Variants in SRPK2 observed in about 807,000 individuals in gnomAD.
The protein encoded by SRPK2 is SRSF protein kinase 2, also known as SFRS protein kinase 2.
A neutral mutation model predicts 90.8 loss-of-function variants in SRPK2; 21 were observed. The observed-to-expected ratio is 0.23, with a 90% CI of 0.16 to 0.33. The LOEUF is 0.33. Ranked by LOEUF, SRPK2 falls within the 10% of genes least tolerant of loss-of-function variation. The pLI is 1.00. For missense variants in SRPK2, 620 were observed against 869.0 expected (o/e 0.71, Z 3.60); for synonymous variants, 288 against 311.1 (o/e 0.93, Z 0.78).
intron 2 of SRPK2, among the ~76,000 whole-genome samples, chr7:105,376,083 T>G (rs1018037902): frequency 2.3e-5 from 3 of 131,326 alleles, no homozygotes; most frequent in Non-Finnish European, 4.7e-5. Context: ...AAGCTCCGCC[T>G]TCCCAGGTTC....
intron 2 of SRPK2, among the ~76,000 whole-genome samples, chr7:105,290,051 T>C (rs1294866008): frequency 3.3e-5 from 5 of 152,270 alleles, no homozygotes; most frequent in South Asian, 2.1e-4. Context: ...CACTGTCTTA[T>C]ATGAGCACAG....
intron 2 of SRPK2, among the ~76,000 whole-genome samples, chr7:105,280,382 C>G (rs1807104048): frequency 6.7e-6 from 1 of 149,754 alleles, no homozygotes; most frequent in Admixed American, 6.6e-5. Flanking sequence ...GAGATCACAC[C>G]ACTGCATGCC....
intron 2 of SRPK2, among the ~76,000 whole-genome samples, chr7:105,243,647 A>C (rs1042210244): frequency 2.6e-5 from 4 of 151,152 alleles, no homozygotes; most frequent in Non-Finnish European, 5.9e-5. Context: ...AAAAAAAAAA[A>C]AAACCACATG....
chr7:105,161,441 G>A (rs185017407), intron 6 of SRPK2, among the ~76,000 whole-genome samples: 10 of 152,244 alleles, frequency 6.6e-5, no homozygotes, highest in South Asian at 2.1e-4. Context: ...ATTATTTCAC[G>A]TGTACTCCAA....
At chr7:105,384,361 ATAATCT>A (rs997553311) in intron 2 of SRPK2, among the ~76,000 whole-genome samples, 2 of 152,196 alleles carry the variant, frequency 1.3e-5, no homozygotes, top group African/African-American at 4.8e-5. Context: ...GACCCACTAA[ATAATCT>A]TAATCTTATT....
intron 2 of SRPK2, among the ~76,000 whole-genome samples, chr7:105,226,099 A>G (rs532406894): frequency 9.2e-5 from 14 of 152,338 alleles, no homozygotes; most frequent in African/African-American, 3.1e-4. Flanking sequence ...AAGTCTAGGA[A>G]CCTAAAGACT....
intron 3 of SRPK2, among the ~76,000 whole-genome samples, chr7:105,198,698 A>G (rs1795204448): frequency 6.6e-6 from 1 of 152,232 alleles, no homozygotes; most frequent in African/African-American, 2.4e-5. Context: ...AGTGAAACTC[A>G]TATTTCTTAT....
chr7:105,276,794 A>C (rs1012757774), intron 2 of SRPK2, among the ~76,000 whole-genome samples: 33 of 152,158 alleles, frequency 2.2e-4, no homozygotes, highest in African/African-American at 7.0e-4. Context: ...GAATACTGCA[A>C]GAATATACCT....
chr7:105,355,548 G>A (rs906738430), intron 2 of SRPK2, among the ~76,000 whole-genome samples: 1 of 152,078 alleles, frequency 6.6e-6, no homozygotes, highest in Admixed American at 6.6e-5. Flanking sequence ...CAGCTACTCA[G>A]AAGGCTGTGG....
At chr7:105,391,865 C>G (rs1385467764), upstream of SRPK2, among the ~76,000 whole-genome samples, 2 of 152,122 alleles carry the variant, frequency 1.3e-5, no homozygotes, top group Non-Finnish European at 2.9e-5. Flanking sequence ...TATATATGCA[C>G]AAGGACTGAA....
chr7:105,235,594 CACAA>C (rs1465521438), intron 2 of SRPK2, among the ~76,000 whole-genome samples: 3 of 152,150 alleles, frequency 2.0e-5, no homozygotes, highest in African/African-American at 4.8e-5. Context: ...TGGTTTTATA[CACAA>C]ACAAATATAT....
At chr7:105,157,355 C>T (rs1806657578) in intron 7 of SRPK2, among the ~76,000 whole-genome samples, 1 of 152,128 alleles carries the variant, frequency 6.6e-6, no homozygotes, top group South Asian at 2.1e-4. Context: ...AATTGGTCTG[C>T]TCTGGCTTGT....
At chr7:105,274,710 A>G (rs1391292337) in intron 2 of SRPK2, among the ~76,000 whole-genome samples, 2 of 151,406 alleles carry the variant, frequency 1.3e-5, no homozygotes, top group Admixed American at 6.6e-5. Flanking sequence ...TCCCTCATTC[A>G]TCATGATTGC....
chr7:105,253,922 C>T (rs202221743), intron 2 of SRPK2, among the ~76,000 whole-genome samples: 3 of 145,974 alleles, frequency 2.1e-5, no homozygotes, highest in African/African-American at 5.0e-5. Flanking sequence ...CAAAAAAAAA[C>T]AAGCCAGCCA....
chr7:105,357,920 G>A (rs1817966599), intron 2 of SRPK2, among the ~76,000 whole-genome samples: 1 of 151,992 alleles, frequency 6.6e-6, no homozygotes, highest in South Asian at 2.1e-4. Context: ...CCCCATCTCT[G>A]CACAGTCAAA....
chr7:105,143,607 AGAACT>A, intron 9 of SRPK2: 2 of 398,394 alleles, frequency 5.0e-6, no homozygotes, highest in Non-Finnish European at 9.0e-6. Context: ...AAACTCTAAG[AGAACT>A]GAAGTTCGAA....
chr7:105,340,332 C>T (rs1179240712), intron 2 of SRPK2, among the ~76,000 whole-genome samples: 1 of 149,440 alleles, frequency 6.7e-6, no homozygotes, highest in Admixed American at 6.7e-5. Flanking sequence ...TGGAGCACCA[C>T]GAAAGAACAA....
Position 105,303,389 on chromosome 7 carries a change from C to G in SRPK2, c.71+85259G>C, listed in dbSNP as rs1810798059. ...ATGATGAGTTAATGGGTGCAGCAAA[C>G]CAACATGGCACATACATACATATGT... On this transcript the variant is annotated intron_variant, in intron 2 of 15. Coordinates refer to ENST00000393651, the MANE Select transcript of SRPK2 (RefSeq NM_182692.3). Among the ~76,000 whole-genome samples the G allele has an allele frequency of 2.0e-5, 3 of 151,950 alleles. 1 individual carries two copies. The South Asian group carries it at 6.2e-4, about 32-fold the overall frequency.
Position 105,320,816 on chromosome 7 carries a change from T to C in SRPK2, c.71+67832A>G, listed in dbSNP as rs1585694575. On this transcript the variant is annotated intron_variant, in intron 2 of 15. Coordinates refer to ENST00000393651, the MANE Select transcript of SRPK2 (RefSeq NM_182692.3). The stretch of plus-strand genomic sequence containing the variant: ...TAAATAACTCCCACAAGCTTAGTGT[T>C]CCAATAATGGAACACTAGGCACAAC... Among the ~76,000 whole-genome samples the C allele has an allele frequency of 2.0e-5, 3 of 150,264 alleles. No homozygotes were observed. The South Asian group carries it at 6.2e-4, about 31-fold the overall frequency.
Sources: allele counts gnomAD v4.1 joint callset (sites outside exome capture counted in the v4.1 genomes callset), GRCh38; gene constraint gnomAD v4.1.1; transcripts MANE v1.5; gene names NCBI Gene and HGNC (gene_info 2026-07-23, HGNC 2026-07-21).